GRK1: variants seen among roughly 807,000 people sequenced by gnomAD.
GRK1 encodes the protein rhodopsin kinase GRK1.
A neutral mutation model predicts 41.7 loss-of-function variants in GRK1; 28 were observed. The ratio of observed to expected loss-of-function variants is 0.67; its 90% CI spans 0.50 to 0.92. The LOEUF (loss-of-function observed/expected upper bound fraction) is 0.92. Ranked by LOEUF, GRK1 falls within the 40% of genes least tolerant of loss-of-function variation. GRK1 has a pLI of 0.00. For synonymous variants in GRK1, 327 were observed against 286.7 expected (o/e 1.14, Z -1.42); for missense variants, 703 against 671.2 (o/e 1.05, Z -0.52).
At position 113,733,049 on chromosome 13, in the gene GRK1, C is replaced by T; in HGVS notation, c.1360C>T (p.Leu454Phe). ...CTGCGACAAGCTCCGTGCCCACCCC[C>T]TCTTCAAGGACCTTAACTGGAGGCA... ...ETCDKLRAHP[L>F]FKDLNWRQLE... The change falls in exon 6 of 7, where the codon CTC (leucine) becomes TTC (phenylalanine). Residue 454 changes from leucine (L) to phenylalanine (F), a missense_variant. Coordinates refer to ENST00000335678, the MANE Select transcript of GRK1 (RefSeq NM_002929.3). The T allele has an allele frequency of 6.5e-7, 1 of 1,537,058 alleles. No homozygotes were observed.
chr13:113,655,609 G>T, the GRK1 span, among the ~76,000 whole-genome samples: 62 of 152,240 alleles, frequency 4.1e-4, 1 homozygote, highest in Non-Finnish European at 7.8e-4. Flanking sequence ...CTGGACACAG[G>T]CGACTGCCTG....
At chr13:113,655,581 C>T in the GRK1 span, among the ~76,000 whole-genome samples, 15 of 152,342 alleles carry the variant, frequency 9.8e-5, no homozygotes, top group South Asian at 2.7e-3. Flanking sequence ...CCACCGTCCC[C>T]GTGGCCATGG....
chr13:113,657,130 G>A, the GRK1 span, among the ~76,000 whole-genome samples: 1 of 152,162 alleles, frequency 6.6e-6, no homozygotes, highest in Admixed American at 6.5e-5. Flanking sequence ...AGCGTGTCAC[G>A]GGCATTCCCA....
At chr13:113,655,084 C>G in the GRK1 span, 53 of 1,164,570 alleles carry the variant, frequency 4.6e-5, 1 homozygote, top group South Asian at 7.1e-4. Context: ...AAACAGAAAC[C>G]CCGTCCCCAC....
At chr13:113,726,612 G>A (rs1209390420) in intron 4 of GRK1, 1 of 154,750 alleles carries the variant, frequency 6.5e-6, no homozygotes, top group Non-Finnish European at 1.4e-5. Flanking sequence ...CAGGAGGCCT[G>A]GGGCACAAAC....
rs543241263 is a variant in GRK1, at chr13:113,733,960, G to A, written c.1396+875G>A. 6.2e-4 allele frequency among the ~76,000 whole-genome samples: 77 copies of A among 124,122 alleles called. 1 individual carries two copies. The highest frequency in any genetic ancestry group is 2.1e-3 in the African/African-American group (73 of 35,132). 81.4% of individuals were successfully genotyped at this position (124,122 alleles called of 152,430 possible). A position where few individuals can be genotyped will look rare whatever the true frequency, so the allele number is the denominator to read the frequency against. ...TACGTGTGTGCGTGTGTGTGCATAC[G>A]TGTGTGTGCGTGTGTGCGCATGTGT... On this transcript the variant is annotated intron_variant, in intron 6 of 6. Transcript: ENST00000335678.
chr13:113,668,543 G>A (rs1368621882), intron 1 of GRK1, among the ~76,000 whole-genome samples: 1 of 152,270 alleles, frequency 6.6e-6, no homozygotes, highest in Non-Finnish European at 1.5e-5. Context: ...TTTCTGTGAG[G>A]CAGAGCCTGG....
At position 113,671,353 on chromosome 13, in the gene GRK1, T is replaced by A. The variant is rs191136797; in HGVS notation, c.828-146T>A. 114 of 649,314 alleles carry A rather than the reference T, an allele frequency of 1.8e-4. No individual in the cohort carries two copies. The African/African-American group carries it at 1.8e-3, about 10-fold the overall frequency. The allele number at this position is 649,314 out of a possible 1,614,324, so 40.2% of individuals were successfully genotyped here. A position where few individuals can be genotyped will look rare whatever the true frequency, so the allele number is the denominator to read the frequency against. On this transcript the variant is annotated intron_variant, in intron 2 of 6. Transcript: ENST00000335678. The surrounding 1 kb of genome is among the most constrained non-coding windows in gnomAD (Gnocchi z 4.1). The stretch of plus-strand genomic sequence containing the variant: ...CGCCAGCCACCATGGCCTTCGGGTG[T>A]CCTCTGCAGGGACGTAGGGGGGCCA...
At chr13:113,650,343 T>C in the GRK1 span, 1 of 1,496,766 alleles carries the variant, frequency 6.7e-7, no homozygotes. This position sits in a 1 kb window ranked among gnomAD's most constrained non-coding sequence, Gnocchi z 5.0. Context: ...ATTGCTTTCC[T>C]TTCGCTAAGT....
At chr13:113,666,886 G>T (rs2049822211), upstream of GRK1, among the ~76,000 whole-genome samples, 1 of 152,146 alleles carries the variant, frequency 6.6e-6, no homozygotes, top group Admixed American at 6.5e-5. Context: ...GTTTCTTCCG[G>T]CTCCATCCTC....
chr13:113,655,124 C>T, the GRK1 span, among the ~76,000 whole-genome samples: 1 of 152,178 alleles, frequency 6.6e-6, no homozygotes, highest in African/African-American at 2.4e-5. Flanking sequence ...CTCCCAGCGC[C>T]GCACCACCGG....
the GRK1 span, among the ~76,000 whole-genome samples, chr13:113,655,514 A>T: frequency 6.6e-6 from 1 of 152,162 alleles, no homozygotes; most frequent in African/African-American, 2.4e-5. Flanking sequence ...GCTTCATCTC[A>T]TCTGCTTCTG....
At chr13:113,672,471 TGTG>T (rs1397558590) in intron 3 of GRK1, among the ~76,000 whole-genome samples, 1 of 145,716 alleles carries the variant, frequency 6.9e-6, no homozygotes, top group Non-Finnish European at 1.5e-5. Flanking sequence ...GGCGTATGTG[TGTG>T]GTATCTGTAT....
chr13:113,732,346 G>A (rs1424246243), intron 5 of GRK1, among the ~76,000 whole-genome samples: 1 of 152,204 alleles, frequency 6.6e-6, no homozygotes. Context: ...CACGCCCGTG[G>A]TCACTCTGTG....
upstream of GRK1, among the ~76,000 whole-genome samples, chr13:113,662,701 T>G (rs904284407): frequency 6.6e-6 from 1 of 152,220 alleles, no homozygotes; most frequent in Non-Finnish European, 1.5e-5. Context: ...CATTTATGAT[T>G]GCTCAACACC....
chr13:113,667,265 C>T lies in GRK1; in HGVS notation c.-122C>T. The T allele has an allele frequency of 9.9e-7, 1 of 1,005,738 alleles. No individual in the cohort carries two copies. The highest frequency in any genetic ancestry group is 1.4e-6 in the Non-Finnish European group (1 of 705,330). The allele number at this position is 1,005,738 out of a possible 1,614,324, so 62.3% of individuals were successfully genotyped here. The stretch of plus-strand genomic sequence containing the variant: ...ACAGGGCCAGGGCGTCTCTCTCGTC[C>T]AGCAAGGGCAGGGACGGGCCACAGG... On this transcript the variant is annotated 5_prime_UTR_variant, in exon 1 of 7. Coordinates refer to ENST00000335678, the MANE Select transcript of GRK1 (RefSeq NM_002929.3). The surrounding 1 kb of genome is among the most constrained non-coding windows in gnomAD (Gnocchi z 7.5).
chr13:113,665,966 G>T (rs2049815471), upstream of GRK1, among the ~76,000 whole-genome samples: 1 of 140,696 alleles, frequency 7.1e-6, no homozygotes, highest in African/African-American at 2.7e-5. Context: ...GTGTGTCCCA[G>T]GTGTGCCCCA....
At chr13:113,670,738 TGGGAAACGCAGACACGGGGTGC>T in intron 2 of GRK1, among the ~76,000 whole-genome samples, 1 of 24,790 alleles carries the variant, frequency 4.0e-5, no homozygotes, top group Non-Finnish European at 7.8e-5. Context: ...GAGGGGGCGC[TGGGAAACGCAGACACGGGGTGC>T]CCAGGCGGAG....
upstream of GRK1, among the ~76,000 whole-genome samples, chr13:113,663,561 T>C (rs1258988275): frequency 6.6e-6 from 1 of 152,222 alleles, no homozygotes; most frequent in Non-Finnish European, 1.5e-5. Flanking sequence ...AAACCGCATG[T>C]CTGACAAAGG....
Sources: allele counts gnomAD v4.1 joint callset (sites outside exome capture counted in the v4.1 genomes callset), GRCh38; gene constraint gnomAD v4.1.1; non-coding constraint Gnocchi (gnomAD v3.1); transcripts MANE v1.5; gene names NCBI Gene and HGNC (gene_info 2026-07-23, HGNC 2026-07-21).